The following DLGAP1 variants were observed in gnomAD, a reference collection of about 807,000 sequenced individuals.
DLGAP1 encodes the protein DLG associated protein 1.
In DLGAP1, 11 loss-of-function variants were observed where a neutral mutation model predicts 90.8. The observed-to-expected ratio is 0.12, with a 90% CI of 0.08 to 0.20. The LOEUF is 0.20. Among genes scored for constraint, DLGAP1 ranks in the 10% least tolerant of loss-of-function variants. The probability of loss-of-function intolerance (pLI) is 1.00; values close to 1 mark genes in which losing one functional copy is unlikely to be tolerated. For synonymous variants in DLGAP1, 558 were observed against 540.7 expected (o/e 1.03, Z -0.44); for missense variants, 1,050 against 1,333.8 (o/e 0.79, Z 3.31).
intron 4 of DLGAP1, among the ~76,000 whole-genome samples, chr18:3,876,374 C>T (rs2071004795): frequency 6.6e-6 from 1 of 152,154 alleles, no homozygotes. Context: ...AACATACTAC[C>T]TCCCAACATT....
chr18:3,812,362 T>C (rs1325295077), intron 5 of DLGAP1, among the ~76,000 whole-genome samples: 1 of 132,684 alleles, frequency 7.5e-6, no homozygotes, highest in Non-Finnish European at 1.7e-5. Context: ...TTCTGTTTTT[T>C]ATTTCCACGA....
chr18:4,161,075 T>C (rs976452367), intron 1 of DLGAP1, among the ~76,000 whole-genome samples: 1 of 151,626 alleles, frequency 6.6e-6, no homozygotes, highest in Non-Finnish European at 1.5e-5. Context: ...CCACAGTTTA[T>C]TTTTTTCTTC....
intron 1 of DLGAP1, among the ~76,000 whole-genome samples, chr18:4,337,367 C>G (rs1026725719): frequency 6.6e-6 from 1 of 151,678 alleles, no homozygotes; most frequent in Non-Finnish European, 1.5e-5. Context: ...CTAATTTTTC[C>G]TACTTTTTGT....
intron 2 of DLGAP1, among the ~76,000 whole-genome samples, chr18:4,012,718 C>CTTT (rs553319955): frequency 7.0e-6 from 1 of 141,990 alleles, no homozygotes; most frequent in Non-Finnish European, 1.5e-5. Context: ...TGCTCCTGTT[C>CTTT]TTTTTTTTTT....
At chr18:3,595,409 T>G (rs1018648738) in intron 7 of DLGAP1, among the ~76,000 whole-genome samples, 1 of 152,126 alleles carries the variant, frequency 6.6e-6, no homozygotes, top group Non-Finnish European at 1.5e-5. Context: ...AACAGGAAGT[T>G]GAAGGCTACC....
intron 1 of DLGAP1, among the ~76,000 whole-genome samples, chr18:4,351,853 T>C (rs912306064): frequency 2.0e-5 from 3 of 152,228 alleles, no homozygotes; most frequent in African/African-American, 7.2e-5. Flanking sequence ...AACCTTGCTC[T>C]AGTAAGAAGA....
At chr18:4,398,430 C>A (rs566511090) in intron 1 of DLGAP1, among the ~76,000 whole-genome samples, 1 of 152,174 alleles carries the variant, frequency 6.6e-6, no homozygotes, top group East Asian at 1.9e-4. Flanking sequence ...TTACAGTTAG[C>A]GGATATGCTA....
At chr18:3,861,409 C>T (rs1477046293) in intron 4 of DLGAP1, among the ~76,000 whole-genome samples, 1 of 152,140 alleles carries the variant, frequency 6.6e-6, no homozygotes, top group Non-Finnish European at 1.5e-5. Context: ...ATAATTTAAA[C>T]TTGTTAGTGA....
At chr18:4,107,679 T>C (rs1267120804) in intron 2 of DLGAP1, among the ~76,000 whole-genome samples, 1 of 151,810 alleles carries the variant, frequency 6.6e-6, no homozygotes, top group East Asian at 1.9e-4. Context: ...ACAAAGCTGT[T>C]AAAAATAAAT....
intron 7 of DLGAP1, among the ~76,000 whole-genome samples, chr18:3,638,090 G>A (rs1477981966): frequency 1.3e-5 from 2 of 151,468 alleles, no homozygotes; most frequent in Non-Finnish European, 2.9e-5. Context: ...GGGAGTACAG[G>A]CGCCCGCCAC....
intron 7 of DLGAP1, among the ~76,000 whole-genome samples, chr18:3,624,390 C>G (rs1160176306): frequency 1.3e-5 from 2 of 152,234 alleles, no homozygotes; most frequent in East Asian, 3.8e-4. Flanking sequence ...AGATATTCTT[C>G]CAGCTCAACA....
chr18:3,828,440 G>T (rs2067842115), intron 4 of DLGAP1, among the ~76,000 whole-genome samples: 2 of 152,072 alleles, frequency 1.3e-5, no homozygotes, highest in South Asian at 4.1e-4. Flanking sequence ...AGGTGTTTGA[G>T]ATCAGCCTGG....
intron 3 of DLGAP1, among the ~76,000 whole-genome samples, chr18:3,923,244 G>A (rs1417398284): frequency 6.6e-6 from 1 of 150,900 alleles, no homozygotes; most frequent in Non-Finnish European, 1.5e-5. Context: ...AGTCTTACCA[G>A]TCCTGGGTAT....
chr18:3,935,892 TGTCTTTTATCACA>T (rs796587960), intron 3 of DLGAP1, among the ~76,000 whole-genome samples: 7 of 152,316 alleles, frequency 4.6e-5, no homozygotes, highest in African/African-American at 1.7e-4. Context: ...TTTGGGAGAC[TGTCTTTTATCACA>T]GCAAAGGAAA....
At chr18:3,751,585 G>A (rs943500532) in intron 5 of DLGAP1, among the ~76,000 whole-genome samples, 2 of 148,932 alleles carry the variant, frequency 1.3e-5, no homozygotes, top group East Asian at 2.0e-4. Flanking sequence ...TTGAGACGGA[G>A]TCTCACTCTG....
intron 5 of DLGAP1, among the ~76,000 whole-genome samples, chr18:3,778,908 T>TAA: frequency 6.6e-6 from 1 of 152,260 alleles, no homozygotes; most frequent in South Asian, 2.1e-4. Flanking sequence ...TGCAGCCTTG[T>TAA]AAGTCACGTG....
chr18:3,719,541 A>C (rs1568010765), intron 7 of DLGAP1, among the ~76,000 whole-genome samples: 1 of 138,236 alleles, frequency 7.2e-6, no homozygotes, highest in Non-Finnish European at 1.5e-5. Flanking sequence ...TGGGCGACAG[A>C]GCAAGACTCT....
In DLGAP1 at chr18:3,828,639, C is replaced by CAAA. The variant is rs71368713; in HGVS notation, c.958-14369_958-14367dup. Among the ~76,000 whole-genome samples the CAAA allele has an allele frequency of 9.7e-3, 206 of 21,150 alleles. 1 individual carries two copies. Among genetic ancestry groups the CAAA allele is most frequent in the South Asian group, 0.014 (4 of 276 alleles). 13.9% of individuals were successfully genotyped at this position (21,150 alleles called of 152,430 possible). A position where few individuals can be genotyped will look rare whatever the true frequency, so the allele number is the denominator to read the frequency against. On this transcript the variant is annotated intron_variant, in intron 4 of 12. Coordinates refer to ENST00000315677, the MANE Select transcript of DLGAP1 (RefSeq NM_004746.4). ...TGGGTGACAGAGCAAGACTCTATCT[C>CAAA]AAAAAAAAAAAAAAAAAAAAAAAAG... is the stretch of plus-strand genomic sequence containing the variant.
At chr18:4,234,089 G>A (rs979397895) in intron 1 of DLGAP1, among the ~76,000 whole-genome samples, 5 of 149,594 alleles carry the variant, frequency 3.3e-5, no homozygotes, top group Admixed American at 2.0e-4. Flanking sequence ...GCCATGTAAA[G>A]TTTCTTTTTT....
Sources: gnomAD v4.1 joint callset for allele counts (sites outside exome capture counted in the v4.1 genomes callset) on GRCh38, gnomAD v4.1.1 for gene constraint, MANE v1.5 for transcripts, NCBI Gene and HGNC (gene_info 2026-07-23, HGNC 2026-07-21) for gene names.